The following AGBL4 variants were observed in gnomAD, a reference collection of about 807,000 sequenced individuals.
The protein encoded by AGBL4 is AGBL carboxypeptidase 4.
Under a neutral mutation model 66.4 loss-of-function variants are expected in AGBL4, and 58 were observed. That is an observed-to-expected ratio of 0.87 (90% CI 0.71 to 1.09). The LOEUF (loss-of-function observed/expected upper bound fraction) is 1.09, where lower values mean the gene tolerates loss of function less well. Among genes scored for constraint, AGBL4 ranks in the 50% least tolerant of loss-of-function variants. The pLI is 0.00. For synonymous variants in AGBL4, 234 were observed against 222.9 expected (o/e 1.05, Z -0.44); for missense variants, 579 against 631.0 (o/e 0.92, Z 0.88).
intron 1 of AGBL4, among the ~76,000 whole-genome samples, chr1:50,014,601 T>C (rs901209449): frequency 4.1e-4 from 59 of 144,702 alleles, no homozygotes; most frequent in African/African-American, 1.5e-3. Flanking sequence ...CTCAGCTCAC[T>C]GCAACCTCCA....
chr1:49,122,834 G>C (rs1645685209), intron 4 of AGBL4, among the ~76,000 whole-genome samples: 1 of 152,064 alleles, frequency 6.6e-6, no homozygotes, highest in Non-Finnish European at 1.5e-5. Flanking sequence ...TTCAATATCT[G>C]TTAGCTACTA....
intron 3 of AGBL4, among the ~76,000 whole-genome samples, chr1:49,506,825 A>T (rs1192024323): frequency 6.6e-6 from 1 of 152,016 alleles, no homozygotes; most frequent in Non-Finnish European, 1.5e-5. Flanking sequence ...CATCTATAAA[A>T]ACATTTTTAT....
intron 1 of AGBL4, among the ~76,000 whole-genome samples, chr1:49,885,997 C>T (rs1647994634): frequency 6.6e-6 from 1 of 152,104 alleles, no homozygotes; most frequent in South Asian, 2.1e-4. Context: ...ATTTTCATCG[C>T]ACAGTTGTGG....
At chr1:50,020,721 G>T (rs78822804) in intron 1 of AGBL4, among the ~76,000 whole-genome samples, 1 of 152,076 alleles carries the variant, frequency 6.6e-6, no homozygotes, top group African/African-American at 2.4e-5. Flanking sequence ...CAACTTCTCC[G>T]TGCCAAAACT....
chr1:49,591,150 T>G (rs1400654163), intron 3 of AGBL4, among the ~76,000 whole-genome samples: 1 of 151,532 alleles, frequency 6.6e-6, no homozygotes, highest in Admixed American at 6.6e-5. Flanking sequence ...AGGTAAACAA[T>G]TGAGATTAGG....
At chr1:48,678,984 G>C (rs543375292) in intron 6 of AGBL4, among the ~76,000 whole-genome samples, 8 of 152,324 alleles carry the variant, frequency 5.3e-5, no homozygotes, top group Admixed American at 5.2e-4. Context: ...TTCAAACTCT[G>C]CTCTCAACCC....
chr1:49,022,542 T>G (rs1022386275), intron 5 of AGBL4, among the ~76,000 whole-genome samples: 1 of 152,078 alleles, frequency 6.6e-6, no homozygotes, highest in African/African-American at 2.4e-5. Context: ...AAGACTTCTC[T>G]GGCTAATGGG....
intron 6 of AGBL4, among the ~76,000 whole-genome samples, chr1:48,721,979 A>G (rs1341216774): frequency 3.9e-5 from 6 of 152,220 alleles, no homozygotes; most frequent in Non-Finnish European, 1.5e-5. Context: ...TGGATGGTGA[A>G]TGGAATTATG....
At chr1:48,847,264 C>T (rs1646940849) in intron 6 of AGBL4, among the ~76,000 whole-genome samples, 1 of 152,190 alleles carries the variant, frequency 6.6e-6, no homozygotes, top group African/African-American at 2.4e-5. Context: ...CACACCATTG[C>T]ACTCTAGCCT....
chr1:49,177,109 G>A (rs1424677003), intron 4 of AGBL4, among the ~76,000 whole-genome samples: 5 of 152,038 alleles, frequency 3.3e-5, no homozygotes, highest in Admixed American at 3.3e-4. Context: ...ACATGGTACA[G>A]CAGGAAAAGT....
intron 5 of AGBL4, among the ~76,000 whole-genome samples, chr1:48,902,243 T>C (rs1357202531): frequency 1.3e-5 from 2 of 152,232 alleles, no homozygotes; most frequent in African/African-American, 4.8e-5. Context: ...AGTTTAAATA[T>C]GTGCATTTTA....
At chr1:49,654,226 C>T (rs1271282700) in intron 3 of AGBL4, among the ~76,000 whole-genome samples, 1 of 152,074 alleles carries the variant, frequency 6.6e-6, no homozygotes, top group African/African-American at 2.4e-5. Flanking sequence ...CCATGTAGTT[C>T]AGCGGTTTTG....
At chr1:49,951,074 G>C (rs146339683) in intron 1 of AGBL4, among the ~76,000 whole-genome samples, 2 of 151,812 alleles carry the variant, frequency 1.3e-5, no homozygotes, top group East Asian at 1.9e-4. Context: ...GCCAGGGGAT[G>C]GGGGGGATAG....
intron 3 of AGBL4, among the ~76,000 whole-genome samples, chr1:49,567,867 A>G (rs569438626): frequency 1.3e-5 from 2 of 152,358 alleles, no homozygotes; most frequent in Admixed American, 6.5e-5. Context: ...GACAAAAACT[A>G]CATGATCATT....
At chr1:49,621,279 T>C (rs1315328854) in intron 3 of AGBL4, among the ~76,000 whole-genome samples, 2 of 152,346 alleles carry the variant, frequency 1.3e-5, no homozygotes, top group South Asian at 2.1e-4. Context: ...GGGTCATTTA[T>C]AACTTGATGC....
chr1:50,006,247 G>T (rs1486196365), intron 1 of AGBL4, among the ~76,000 whole-genome samples: 1 of 151,776 alleles, frequency 6.6e-6, no homozygotes, highest in Non-Finnish European at 1.5e-5. Context: ...GCTGAGGCAG[G>T]AGAATGGCAT....
chr1:49,778,710 C>T (rs1644262029), intron 2 of AGBL4, among the ~76,000 whole-genome samples: 1 of 152,058 alleles, frequency 6.6e-6, no homozygotes, highest in Admixed American at 6.6e-5. Context: ...TTGGAATAAA[C>T]AATTTATACC....
chr1:49,672,663 G>A (rs1571301832), intron 3 of AGBL4, among the ~76,000 whole-genome samples: 2 of 152,072 alleles, frequency 1.3e-5, no homozygotes, highest in Non-Finnish European at 1.5e-5. Flanking sequence ...GCTCATGCCT[G>A]TAATCCCAGC....
intron 6 of AGBL4, among the ~76,000 whole-genome samples, chr1:48,698,668 C>T (rs899527969): frequency 1.3e-5 from 2 of 152,316 alleles, no homozygotes; most frequent in African/African-American, 2.4e-5. Context: ...ACAAACCTTG[C>T]CCAAGAAGAG....
Sources: allele counts gnomAD v4.1 joint callset (sites outside exome capture counted in the v4.1 genomes callset), GRCh38; gene constraint gnomAD v4.1.1; transcripts MANE v1.5; gene names NCBI Gene and HGNC (gene_info 2026-07-23, HGNC 2026-07-21).